Variants in CHN1 observed in about 807,000 individuals in gnomAD.
CHN1 encodes N-chimaerin.
A neutral mutation model predicts 59.5 loss-of-function variants in CHN1; 37 were observed. The observed-to-expected ratio is 0.62, with a 90% confidence interval of 0.48 to 0.82. The LOEUF (loss-of-function observed/expected upper bound fraction) is 0.82. CHN1 is among the 40% of genes least tolerant of loss of function. The pLI is 0.00. For missense variants in CHN1, 469 were observed against 571.0 expected, an observed-to-expected ratio of 0.82 and a Z score of 1.82; for synonymous variants, 206 against 200.4, an observed-to-expected ratio of 1.03 and a Z score of -0.24.
chr2:174,810,611 C>T (rs6711530), intron 10 of CHN1, among the ~76,000 whole-genome samples: 7,829 of 152,226 alleles, frequency 0.051, 686 homozygotes, highest in African/African-American at 0.18. Context: ...GACTGCTCTT[C>T]CTGATGCTTA....
intron 6 of CHN1, among the ~76,000 whole-genome samples, chr2:174,868,536 A>G (rs1332605572): frequency 3.3e-5 from 5 of 152,218 alleles, no homozygotes; most frequent in African/African-American, 1.2e-4. Flanking sequence ...ACTAATATGC[A>G]AATAATTTAA....
chr2:174,985,144 T>C (rs939970697), intron 1 of CHN1, among the ~76,000 whole-genome samples: 7 of 152,204 alleles, frequency 4.6e-5, no homozygotes, highest in African/African-American at 7.2e-5. Flanking sequence ...TAGATTTTAG[T>C]TGATACACTT....
At chr2:174,806,423 G>A (rs1040286591) in intron 11 of CHN1, among the ~76,000 whole-genome samples, 5 of 152,100 alleles carry the variant, frequency 3.3e-5, no homozygotes, top group African/African-American at 1.2e-4. Context: ...ACATTTTTAG[G>A]AGCTGAGAGA....
chr2:174,958,453 A>G (rs965036941), intron 1 of CHN1, among the ~76,000 whole-genome samples: 1 of 152,164 alleles, frequency 6.6e-6, no homozygotes, highest in Non-Finnish European at 1.5e-5. Flanking sequence ...GAGATTTTGT[A>G]GTTGGCCCTA....
In CHN1 at chr2:174,878,094, A is replaced by T. The variant is rs187482682; in HGVS notation, c.295T>A (p.Tyr99Asn). 5 of 1,589,946 alleles carry T rather than the reference A, an allele frequency of 3.1e-6. No homozygotes were observed. Among genetic ancestry groups the T allele is most frequent in the Non-Finnish European group, 4.3e-6 (5 of 1,165,128 alleles). The change falls in exon 6 of 13, where the codon TAC becomes AAC. Residue 99 changes from tyrosine to asparagine, a missense_variant. Physicochemically the swap from Tyr to Asn is moderately radical, Grantham distance 143 (BLOSUM62 -2). This residue lies in a region of CHN1 where 152 missense variants were observed against 166.1 expected (regional missense o/e 0.92). Coordinates refer to ENST00000409900, the MANE Select transcript of CHN1 (RefSeq NM_001822.7). ...TCCCCAACAAAGTGCTTGCCATCGT[A>T]GTAGAGCCTGAAGTTTCTGGTTTGA... ...GSQTRNFRLY[Y>N]DGKHFVGEKR...
intron 7 of CHN1, chr2:174,846,519 A>G: frequency 7.3e-7 from 1 of 1,374,522 alleles, no homozygotes; most frequent in Non-Finnish European, 9.6e-7. Flanking sequence ...CCAGAAACAC[A>G]GATCTAATCC....
intron 11 of CHN1, among the ~76,000 whole-genome samples, chr2:174,807,521 T>C (rs1223331172): frequency 6.8e-6 from 1 of 148,022 alleles, no homozygotes; most frequent in Non-Finnish European, 1.5e-5. Context: ...TGTTGCTTTC[T>C]AGATGAGTGG....
intron 5 of CHN1, among the ~76,000 whole-genome samples, chr2:174,905,030 A>G (rs1041582952): frequency 2.6e-5 from 4 of 152,202 alleles, no homozygotes; most frequent in African/African-American, 9.7e-5. Flanking sequence ...GTTATCTAAA[A>G]GATAATTCAC....
At chr2:174,889,372 G>A (rs1010811691) in intron 5 of CHN1, among the ~76,000 whole-genome samples, 1 of 151,878 alleles carries the variant, frequency 6.6e-6, no homozygotes, top group Admixed American at 6.6e-5. Flanking sequence ...TTAATCTCCT[G>A]AAACTAAACC....
intron 1 of CHN1, among the ~76,000 whole-genome samples, chr2:175,002,103 A>C (rs1691908831): frequency 6.6e-6 from 1 of 152,244 alleles, no homozygotes; most frequent in Non-Finnish European, 1.5e-5. Context: ...ACGCTGTGAC[A>C]GATGTTTGCT....
intron 1 of CHN1, among the ~76,000 whole-genome samples, chr2:174,990,217 T>G (rs1379779371): frequency 6.7e-6 from 1 of 148,674 alleles, no homozygotes; most frequent in Non-Finnish European, 1.5e-5. Context: ...GTGCGGGGTG[T>G]GTGTGTGTGG....
chr2:174,899,754 T>C (rs925609587), intron 5 of CHN1, among the ~76,000 whole-genome samples: 4 of 152,106 alleles, frequency 2.6e-5, no homozygotes, highest in African/African-American at 9.7e-5. Flanking sequence ...CAAAGTAGAG[T>C]TGACATCAAT....
At chr2:174,955,215 ATATC>A (rs1156778494) in intron 1 of CHN1, among the ~76,000 whole-genome samples, 2 of 42,798 alleles carry the variant, frequency 4.7e-5, no homozygotes, top group African/African-American at 3.0e-4. Flanking sequence ...ATATATATAT[ATATC>A]TATATAGATA....
At chr2:174,919,530 T>A (rs1164049937) in intron 3 of CHN1, among the ~76,000 whole-genome samples, 1 of 152,250 alleles carries the variant, frequency 6.6e-6, no homozygotes, top group Non-Finnish European at 1.5e-5. Context: ...CATTTAAAGA[T>A]CACTGAATCC....
At chr2:174,801,639 C>A in intron 12 of CHN1, 68 bp downstream of exon 12, 1 of 1,074,480 alleles carries the variant, frequency 9.3e-7, no homozygotes, top group Non-Finnish European at 1.4e-6. Flanking sequence ...TTTCTTTCAC[C>A]CTTCATTTCA....
chr2:174,929,238 A>C (rs1689261382), intron 3 of CHN1, among the ~76,000 whole-genome samples: 1 of 152,206 alleles, frequency 6.6e-6, no homozygotes, highest in Non-Finnish European at 1.5e-5. Context: ...AATTCAATAA[A>C]GAATATTTAC....
chr2:174,925,568 C>A (rs1689143130), intron 3 of CHN1, among the ~76,000 whole-genome samples: 1 of 152,090 alleles, frequency 6.6e-6, no homozygotes. Context: ...AGACATTTAC[C>A]ATCTTTTCTC....
intron 5 of CHN1, among the ~76,000 whole-genome samples, chr2:174,882,613 C>G (rs1193226681): frequency 6.6e-6 from 1 of 152,046 alleles, no homozygotes; most frequent in East Asian, 1.9e-4. Context: ...TTTGTGTTAA[C>G]AAACAGAAAA....
intron 1 of CHN1, among the ~76,000 whole-genome samples, chr2:174,962,354 A>G (rs1690438957): frequency 6.6e-6 from 1 of 152,040 alleles, no homozygotes; most frequent in Non-Finnish European, 1.5e-5. Context: ...AGGAAGAGAA[A>G]AGAGAGAAAA....
Sources: allele counts gnomAD v4.1 joint callset (sites outside exome capture counted in the v4.1 genomes callset), GRCh38; gene constraint gnomAD v4.1.1; regional missense constraint gnomAD v4.1.1; transcripts MANE v1.5; gene names NCBI Gene and HGNC (gene_info 2026-07-23, HGNC 2026-07-21).